KCNH8: variants seen among roughly 807,000 people sequenced by gnomAD.
KCNH8 encodes potassium voltage-gated channel subfamily H member 8.
In KCNH8, 70 loss-of-function variants were observed where a neutral mutation model predicts 103.6. That is an observed-to-expected ratio of 0.68 (90% CI 0.56 to 0.82). The LOEUF is 0.82. Ranked by LOEUF, KCNH8 falls within the 40% of genes least tolerant of loss-of-function variation. The probability of loss-of-function intolerance (pLI) is 0.00; values close to 1 mark genes in which losing one functional copy is unlikely to be tolerated. For synonymous variants in KCNH8, 498 were observed against 489.4 expected (o/e 1.02, Z -0.23); for missense variants, 1,217 against 1,329.9 (o/e 0.92, Z 1.32).
chr3:19,410,512 A>C (rs969546475), intron 7 of KCNH8, among the ~76,000 whole-genome samples: 1 of 152,134 alleles, frequency 6.6e-6, no homozygotes, highest in Non-Finnish European at 1.5e-5. Flanking sequence ...AGTAACCTTA[A>C]AGCTAGCAGG....
chr3:19,388,971 A>C (rs1346327946), intron 5 of KCNH8, among the ~76,000 whole-genome samples: 1 of 152,178 alleles, frequency 6.6e-6, no homozygotes, highest in Non-Finnish European at 1.5e-5. Flanking sequence ...GTTGTAAGGC[A>C]TCAATGAGAT....
intron 3 of KCNH8, among the ~76,000 whole-genome samples, chr3:19,306,886 A>C (rs1229921599): frequency 2.0e-5 from 3 of 152,076 alleles, no homozygotes; most frequent in Non-Finnish European, 4.4e-5. Flanking sequence ...GGATACACAC[A>C]GACACATAAA....
chr3:19,174,244 TG>T (rs2063376406), intron 1 of KCNH8, among the ~76,000 whole-genome samples: 1 of 152,166 alleles, frequency 6.6e-6, no homozygotes, highest in Admixed American at 6.5e-5. Context: ...CTCTACTTCT[TG>T]CATTAGCTCC....
chr3:19,498,728 TTGATGA>T (rs1013313483), intron 11 of KCNH8, among the ~76,000 whole-genome samples: 16 of 152,176 alleles, frequency 1.1e-4, no homozygotes, highest in African/African-American at 3.6e-4. Context: ...CTTTTGGTCT[TTGATGA>T]TGGTGATGTA....
intron 1 of KCNH8, among the ~76,000 whole-genome samples, chr3:19,242,440 T>A (rs1257384006): frequency 5.3e-5 from 8 of 152,198 alleles, no homozygotes; most frequent in Admixed American, 5.2e-4. Context: ...TGTATTGACC[T>A]TTATGATCCT....
intron 3 of KCNH8, among the ~76,000 whole-genome samples, chr3:19,335,647 A>G (rs1045880950): frequency 3.3e-5 from 5 of 151,446 alleles, no homozygotes; most frequent in African/African-American, 1.2e-4. Flanking sequence ...TGACTTTAAC[A>G]CCCTCTGAAA....
intron 3 of KCNH8, among the ~76,000 whole-genome samples, chr3:19,305,093 C>A (rs774852921): frequency 1.3e-5 from 2 of 151,354 alleles, no homozygotes; most frequent in Non-Finnish European, 2.9e-5. Context: ...AATTCGACTT[C>A]CAGAAAAAAG....
chr3:19,268,154 C>T (rs2064538869), intron 2 of KCNH8, among the ~76,000 whole-genome samples: 1 of 152,056 alleles, frequency 6.6e-6, no homozygotes, highest in African/African-American at 2.4e-5. Flanking sequence ...CCCTCCTGTA[C>T]CTTATGGTCT....
At chr3:19,460,829 G>C (rs2067613493) in intron 11 of KCNH8, among the ~76,000 whole-genome samples, 1 of 152,144 alleles carries the variant, frequency 6.6e-6, no homozygotes, top group South Asian at 2.1e-4. Flanking sequence ...GTGATAGTGA[G>C]TTAATTCTCA....
intron 4 of KCNH8, among the ~76,000 whole-genome samples, chr3:19,347,330 T>C (rs914586606): frequency 2.6e-5 from 4 of 152,152 alleles, no homozygotes; most frequent in Admixed American, 2.0e-4. Flanking sequence ...AGATAATGAC[T>C]GTCATCAGAA....
chr3:19,230,352 T>C (rs2063980120), intron 1 of KCNH8, among the ~76,000 whole-genome samples: 1 of 152,198 alleles, frequency 6.6e-6, no homozygotes, highest in Admixed American at 6.5e-5. Context: ...CTTTCTTAAT[T>C]TCCAACCACT....
At chr3:19,296,465 A>G (rs1048407724) in intron 3 of KCNH8, among the ~76,000 whole-genome samples, 80 of 152,356 alleles carry the variant, frequency 5.3e-4, no homozygotes, top group African/African-American at 1.7e-3. Context: ...GCTTATGAGC[A>G]CACTGGTTTG....
rs761283326 is a variant in KCNH8 at position 19,513,146 on chromosome 3, C to T, written c.2256C>T (p.Ser752=). The T allele has an allele frequency of 2.5e-6, 4 of 1,613,842 alleles. No homozygotes were observed. The African/African-American group carries it at 5.3e-5, about 22-fold the overall frequency. Residue 752 remains serine, a synonymous_variant, in exon 13 of 16, where the codon AGC becomes AGT. Transcript: ENST00000328405. The part of the protein sequence containing the change: ...VGSNKAYLGL[S]LKQLASGTVP... ...GCAATAAAGCCTACCTGGGCTTAAG[C>T]TTAAAGCAACTGGCCTCGGGAACGG...
At position 19,241,995 on chromosome 3, in the gene KCNH8, C is replaced by T. The variant is rs7640774; in HGVS notation, c.77-11659C>T. ...GAGAAGTGTACATTTAATCCAAGACCTGAAATATGTAAAACAGGGAGAAGA... is the reference window on the plus strand; with the variant it reads ...GAGAAGTGTACATTTAATCCAAGACTTGAAATATGTAAAACAGGGAGAAGA... On this transcript the variant is annotated intron_variant, in intron 1 of 15. Transcript: ENST00000328405. 6.7e-3 allele frequency among the ~76,000 whole-genome samples: 1,017 copies of T among 152,086 alleles called. 11 individuals carry two copies. Among genetic ancestry groups the T allele is most frequent in the African/African-American group, 0.022 (916 of 41,468 alleles).
intron 5 of KCNH8, among the ~76,000 whole-genome samples, chr3:19,368,970 A>C (rs760926779): frequency 5.9e-5 from 9 of 152,032 alleles, no homozygotes; most frequent in South Asian, 2.1e-4. Context: ...TGGTTTTTCT[A>C]TCTCTTAATA....
chr3:19,229,380 C>T lies in KCNH8; in HGVS notation c.77-24274C>T, dbSNP rs115098403. Among the ~76,000 whole-genome samples, 1,171 of 152,312 alleles carry T rather than the reference C, an allele frequency of 7.7e-3. 16 individuals are homozygous for T. Among genetic ancestry groups the T allele is most frequent in the African/African-American group, 0.026 (1,077 of 41,566 alleles). On this transcript the variant is annotated intron_variant, in intron 1 of 15. Transcript: ENST00000328405. Reference sequence around the variant, plus strand: ...TTCTGCCTGGCCATCCAGGCATTTCCGTATACCTTCTGAAATCTAGGTGGA... The same window carrying T: ...TTCTGCCTGGCCATCCAGGCATTTCTGTATACCTTCTGAAATCTAGGTGGA...
chr3:19,372,815 G>T (rs2066122269), intron 5 of KCNH8, among the ~76,000 whole-genome samples: 2 of 152,072 alleles, frequency 1.3e-5, no homozygotes, highest in South Asian at 2.1e-4. Context: ...AGAGTTTTTA[G>T]CATGAAGGGT....
chr3:19,376,264 AG>A (rs1559297018), intron 5 of KCNH8, among the ~76,000 whole-genome samples: 1 of 152,196 alleles, frequency 6.6e-6, no homozygotes, highest in Non-Finnish European at 1.5e-5. Context: ...CTGTGGGCGT[AG>A]GACCCTCTGA....
chr3:19,407,205 A>G (rs2125144466), intron 7 of KCNH8, among the ~76,000 whole-genome samples: 1 of 152,324 alleles, frequency 6.6e-6, no homozygotes, highest in East Asian at 1.9e-4. Context: ...AATATTTACA[A>G]CAAGTAATAG....
Sources: allele counts gnomAD v4.1 joint callset (sites outside exome capture counted in the v4.1 genomes callset), GRCh38; gene constraint gnomAD v4.1.1; transcripts MANE v1.5; gene names NCBI Gene and HGNC (gene_info 2026-07-23, HGNC 2026-07-21).